FRMD4B: variants seen among roughly 807,000 people sequenced by gnomAD.
The protein encoded by FRMD4B is FERM domain containing 4B, also known as FERM domain-containing protein 4B.
A neutral mutation model predicts 141.5 loss-of-function variants in FRMD4B; 74 were observed. The observed-to-expected ratio is 0.52, with a 90% CI of 0.43 to 0.63. FRMD4B has a LOEUF of 0.63. Among genes scored for constraint, FRMD4B ranks in the 30% least tolerant of loss-of-function variants. FRMD4B has a pLI of 0.00. For missense variants in FRMD4B, 1,366 were observed against 1,253.4 expected, an observed-to-expected ratio of 1.09 and a Z score of -1.36; for synonymous variants, 506 against 467.9, an observed-to-expected ratio of 1.08 and a Z score of -1.05.
chr3:69,468,530 G>C (rs1705831839), intron 1 of FRMD4B, among the ~76,000 whole-genome samples: 1 of 152,160 alleles, frequency 6.6e-6, no homozygotes, highest in South Asian at 2.1e-4. Flanking sequence ...GGTCAGAAAT[G>C]CAATAAATAT....
intron 11 of FRMD4B, among the ~76,000 whole-genome samples, chr3:69,212,229 A>G (rs2093088819): frequency 6.6e-6 from 1 of 151,514 alleles, no homozygotes. Context: ...GCATGGTGGC[A>G]GGCACCTGTA....
intron 1 of FRMD4B, among the ~76,000 whole-genome samples, chr3:69,455,739 C>A (rs1236849982): frequency 2.0e-5 from 3 of 152,200 alleles, no homozygotes; most frequent in Non-Finnish European, 4.4e-5. Flanking sequence ...AAAGTTTTAA[C>A]TACGAATTTT....
intron 1 of FRMD4B, among the ~76,000 whole-genome samples, chr3:69,469,798 T>C (rs1705857199): frequency 6.6e-6 from 1 of 152,228 alleles, no homozygotes; most frequent in Non-Finnish European, 1.5e-5. Context: ...ATAGTTAAGA[T>C]ACAAGCGAGA....
At chr3:69,268,821 T>C (rs139153294) in intron 5 of FRMD4B, among the ~76,000 whole-genome samples, 1 of 152,082 alleles carries the variant, frequency 6.6e-6, no homozygotes, top group African/African-American at 2.4e-5. Flanking sequence ...GAACTGCTCA[T>C]TTATTACTAT....
At chr3:69,255,016 G>A (rs554885742) in intron 5 of FRMD4B, among the ~76,000 whole-genome samples, 28 of 152,254 alleles carry the variant, frequency 1.8e-4, no homozygotes, top group African/African-American at 6.3e-4. Flanking sequence ...CTGAAGAATC[G>A]TAACAACTAA....
chr3:69,180,600 C>CA (rs2092695904), intron 21 of FRMD4B, among the ~76,000 whole-genome samples: 1 of 149,422 alleles, frequency 6.7e-6, no homozygotes. Context: ...TTCTCAAAAA[C>CA]AAAAAACAAA....
chr3:69,404,779 C>T (rs764162618), intron 2 of FRMD4B, among the ~76,000 whole-genome samples: 3 of 152,140 alleles, frequency 2.0e-5, no homozygotes, highest in African/African-American at 4.8e-5. Context: ...AGAAGGGTGA[C>T]AGTCAGATGG....
At position 69,170,791 on chromosome 3, in the gene FRMD4B, T is replaced by C. The variant is rs1484590460; in HGVS notation, c.*1070A>G. 2.0e-5 allele frequency: 3 copies of C among 152,204 alleles called. No individual in the cohort carries two copies. The highest frequency in any genetic ancestry group is 4.4e-5 in the Non-Finnish European group (3 of 68,038). 9.4% of individuals were successfully genotyped at this position (152,204 alleles called of 1,614,324 possible). On this transcript the variant is annotated 3_prime_UTR_variant, in exon 23 of 23. Transcript: ENST00000398540. ...TAAATCCACTGCAGCTTGGAGCTTT[T>C]TGTCGTTGTTGTTGTTTTTCTTTTT...
intron 1 of FRMD4B, among the ~76,000 whole-genome samples, chr3:69,322,648 G>A (rs1314910484): frequency 2.1e-5 from 3 of 145,488 alleles, no homozygotes; most frequent in East Asian, 4.0e-4. Context: ...CCAGGCTGGA[G>A]TACAGTGGCA....
chr3:69,427,661 T>G (rs1263244424), intron 2 of FRMD4B, among the ~76,000 whole-genome samples: 2 of 129,490 alleles, frequency 1.5e-5, no homozygotes, highest in African/African-American at 3.0e-5. Flanking sequence ...TTTTTTTTTT[T>G]TTTTTTTTTT....
Position 69,490,819 on chromosome 3 carries a change from C to G in FRMD4B, c.-129+51387G>C, listed in dbSNP as rs17685412. 8.0e-3 allele frequency among the ~76,000 whole-genome samples: 1,214 copies of G among 152,252 alleles called. 12 individuals carry two copies. Among genetic ancestry groups the G allele is most frequent in the East Asian group, 0.035 (183 of 5,170 alleles). On this transcript the variant is annotated intron_variant, in intron 1 of 5. Transcript: ENST00000459638. ...TATAATAAGAGACGTTGGCCGATGC[C>G]TTTAGGGTGAATGAAGCACACGATA...
At chr3:69,280,358 G>T (rs2093639148) in intron 5 of FRMD4B, among the ~76,000 whole-genome samples, 1 of 152,124 alleles carries the variant, frequency 6.6e-6, no homozygotes, top group Non-Finnish European at 1.5e-5. Context: ...TTGACCCACA[G>T]TTCCTACCTA....
intron 5 of FRMD4B, among the ~76,000 whole-genome samples, chr3:69,277,985 A>G (rs1461033378): frequency 6.6e-6 from 1 of 151,444 alleles, no homozygotes; most frequent in Non-Finnish European, 1.5e-5. Flanking sequence ...CCTCCCAAGT[A>G]GCTGGGACTA....
intron 5 of FRMD4B, among the ~76,000 whole-genome samples, chr3:69,275,465 G>T (rs1202048548): frequency 7.1e-6 from 1 of 141,082 alleles, no homozygotes; most frequent in Non-Finnish European, 1.5e-5. Flanking sequence ...TTTGAGACAA[G>T]TTCTCACTCT....
At chr3:69,270,287 CTTCT>C (rs1240413584) in intron 5 of FRMD4B, among the ~76,000 whole-genome samples, 1 of 152,202 alleles carries the variant, frequency 6.6e-6, no homozygotes, top group African/African-American at 2.4e-5. Context: ...CATTCAATTT[CTTCT>C]TTCTGAAAAA....
chr3:69,449,042 A>T (rs1188750592), intron 1 of FRMD4B, among the ~76,000 whole-genome samples: 2 of 152,160 alleles, frequency 1.3e-5, no homozygotes, highest in Non-Finnish European at 2.9e-5. Flanking sequence ...AGCCTCGTAA[A>T]ACTGTAAGGT....
intron 1 of FRMD4B, among the ~76,000 whole-genome samples, chr3:69,349,092 A>G (rs1037993181): frequency 6.6e-6 from 1 of 152,224 alleles, no homozygotes; most frequent in African/African-American, 2.4e-5. Flanking sequence ...TCAGCCTAAA[A>G]TCTCCTTAAG....
chr3:69,197,801 TAA>T (rs1164630429), intron 12 of FRMD4B: 2 of 152,252 alleles, frequency 1.3e-5, no homozygotes, highest in Admixed American at 6.5e-5. Context: ...TAAACATCCA[TAA>T]CCATCTCGGG....
chr3:69,189,222 CAAAAAAAAAAAAAA>C (rs71115659), intron 18 of FRMD4B, among the ~76,000 whole-genome samples: 12 of 39,774 alleles, frequency 3.0e-4, no homozygotes, highest in Non-Finnish European at 3.7e-4. Context: ...AACTCCATCT[CAAAAAAAAAAAAAA>C]AAAAAAAAAA....
Sources: gnomAD v4.1 joint callset for allele counts (sites outside exome capture counted in the v4.1 genomes callset) on GRCh38, gnomAD v4.1.1 for gene constraint, MANE v1.5 for transcripts, NCBI Gene and HGNC (gene_info 2026-07-23, HGNC 2026-07-21) for gene names.